The following TAAR1 variants were observed in gnomAD, a reference collection of about 807,000 sequenced individuals.
TAAR1 encodes trace amine associated receptor 1.
In TAAR1, 1 loss-of-function variant was observed where a neutral mutation model predicts 1.2. The observed-to-expected ratio is 0.81, with a 90% CI of 0.29 to 3.86. The LOEUF (loss-of-function observed/expected upper bound fraction) is 3.86. Ranked by LOEUF, TAAR1 falls within the 30% of genes most tolerant of loss-of-function variation. The probability of loss-of-function intolerance (pLI) is 0.18; values close to 1 mark genes in which losing one functional copy is unlikely to be tolerated. For missense variants in TAAR1, 445 were observed against 405.6 expected (o/e 1.10, Z -0.83); for synonymous variants, 153 against 132.2 (o/e 1.16, Z -1.08).
chr6:132,645,122 G>A lies in TAAR1; in HGVS notation c.882C>T (p.Tyr294=). Residue 294 remains tyrosine (Y), a synonymous_variant, in exon 2 of 2, where the codon TAC becomes TAT. Transcript: ENST00000275216. The part of the protein sequence containing the change: ...TLNDVLIWFG[Y]LNSTFNPMVY... ...CCATTGGATTAAATGTAGAGTTCAA[G>A]TAGCCAAACCAAATCAATACATCAT... is the stretch of plus-strand genomic sequence containing the variant. The A allele has an allele frequency of 6.2e-7, 1 of 1,613,164 alleles. No individual in the cohort carries two copies. The highest frequency in any genetic ancestry group is 8.5e-7 in the Non-Finnish European group (1 of 1,179,570).
intron 1 of TAAR1, among the ~76,000 whole-genome samples, chr6:132,657,298 T>C (rs1233821096): frequency 1.3e-5 from 2 of 152,032 alleles, no homozygotes; most frequent in Non-Finnish European, 2.9e-5. Context: ...TCACATTGTT[T>C]GAATCAGCTC....
In TAAR1 at chr6:132,645,120, A is replaced by AAGTAGC. The variant is rs1181687118; in HGVS notation, c.878_883dup (p.Tyr294_Leu295insCysTyr). The AAGTAGC allele has an allele frequency of 1.9e-6, 3 of 1,613,170 alleles. No homozygotes were observed. The African/African-American group carries it at 4.0e-5, about 22-fold the overall frequency. On this transcript the variant is annotated inframe_insertion, in exon 2 of 2. Coordinates refer to ENST00000275216, the MANE Select transcript of TAAR1 (RefSeq NM_138327.4). Reference sequence around the variant, plus strand: ...AACCATTGGATTAAATGTAGAGTTCAAGTAGCCAAACCAAATCAATACATC... The same window carrying AAGTAGC: ...AACCATTGGATTAAATGTAGAGTTCAAGTAGCAGTAGCCAAACCAAATCAATACATC...
At chr6:132,657,672 A>G (rs1352857273) in intron 1 of TAAR1, among the ~76,000 whole-genome samples, 2 of 152,052 alleles carry the variant, frequency 1.3e-5, no homozygotes, top group Non-Finnish European at 2.9e-5. Flanking sequence ...GGAATGGAAT[A>G]CTCCAATTCT....
rs1241154316 is a variant in TAAR1, at chr6:132,644,866, C to T, written c.*118G>A. The T allele has an allele frequency of 3.7e-6, 3 of 811,256 alleles. No homozygotes were observed. Among genetic ancestry groups the T allele is most frequent in the African/African-American group, 1.8e-5 (1 of 56,400 alleles). The allele number at this position is 811,256 out of a possible 1,614,324, so 50.3% of individuals were successfully genotyped here. On this transcript the variant is annotated 3_prime_UTR_variant, in exon 2 of 2. Coordinates refer to ENST00000275216, the MANE Select transcript of TAAR1 (RefSeq NM_138327.4). ...ATCATAATTTAACTCACCATACATA[C>T]TTTGACTCAAGTAACTGATTTAAAA...
At chr6:132,657,721 A>G (rs66535863) in intron 1 of TAAR1, among the ~76,000 whole-genome samples, 9,044 of 152,094 alleles carry the variant, frequency 0.059, 310 homozygotes, top group East Asian at 0.11. Flanking sequence ...TTGAAACTCA[A>G]AAAACACACA....
At position 132,651,428 on chromosome 6, in the gene TAAR1, C is replaced by T. The variant is rs147237189; in HGVS notation, c.-126-5299G>A. On this transcript the variant is annotated intron_variant, in intron 1 of 1. Coordinates refer to ENST00000275216, the MANE Select transcript of TAAR1 (RefSeq NM_138327.4). ...ACTTGTCTAAAGCCAAGCCCTTGAC[C>T]TCCCTCCTGTGCCTAGCTTCTCCTT... Among the ~76,000 whole-genome samples the T allele has an allele frequency of 2.2e-3, 328 of 152,248 alleles. 1 individual carries two copies. Among genetic ancestry groups the T allele is most frequent in the Non-Finnish European group, 2.3e-3 (154 of 68,022 alleles).
intron 1 of TAAR1, among the ~76,000 whole-genome samples, chr6:132,655,376 CTTTTTTTTTTTT>C (rs6149815): frequency 1.5e-5 from 2 of 133,372 alleles, no homozygotes; most frequent in South Asian, 2.4e-4. Flanking sequence ...TTCATTCATT[CTTTTTTTTTTTT>C]TTTTTTTTTG....
intron 1 of TAAR1, among the ~76,000 whole-genome samples, chr6:132,654,351 T>C (rs1242098713): frequency 6.6e-6 from 1 of 152,230 alleles, no homozygotes; most frequent in Admixed American, 6.5e-5. Flanking sequence ...TGGTCTCTCG[T>C]GCTCTATGTC....
intron 1 of TAAR1, among the ~76,000 whole-genome samples, chr6:132,649,738 T>A (rs1582752028): frequency 6.6e-6 from 1 of 152,138 alleles, no homozygotes; most frequent in Non-Finnish European, 1.5e-5. Context: ...GAGAACAGCA[T>A]GGAGGTAGCT....
intron 1 of TAAR1, among the ~76,000 whole-genome samples, chr6:132,648,250 T>C (rs1034063821): frequency 6.6e-6 from 1 of 152,172 alleles, no homozygotes; most frequent in Non-Finnish European, 1.5e-5. Flanking sequence ...GTTGACTTAC[T>C]AAAGGAACCA....
Position 132,645,080 on chromosome 6 carries a change from A to G in TAAR1, c.924T>C (p.Tyr308=), listed in dbSNP as rs568714378. Residue 308 remains tyrosine, a synonymous_variant, in exon 2 of 2, where the codon TAT becomes TAC. Coordinates refer to ENST00000275216, the MANE Select transcript of TAAR1 (RefSeq NM_138327.4). ...TCTTCAGTGCTTTTCTAAACCAAGG[A>G]TAGAAAAATGCATAAACCATTGGAT... is the stretch of plus-strand genomic sequence containing the variant. ...TFNPMVYAFF[Y]PWFRKALKMM... The G allele has an allele frequency of 4.3e-6, 7 of 1,611,622 alleles. No individual in the cohort carries two copies. Among genetic ancestry groups the G allele is most frequent in the South Asian group, 3.3e-5 (3 of 90,308 alleles).
At chr6:132,658,107 A>C (rs186417663) in intron 1 of TAAR1, among the ~76,000 whole-genome samples, 1 of 152,274 alleles carries the variant, frequency 6.6e-6, no homozygotes, top group African/African-American at 2.4e-5. Context: ...TAAAATAGAC[A>C]ATAATAATTT....
chr6:132,654,324 A>G (rs1204672124), intron 1 of TAAR1, among the ~76,000 whole-genome samples: 2 of 152,220 alleles, frequency 1.3e-5, no homozygotes, highest in East Asian at 1.9e-4. Flanking sequence ...GGGGAAATAG[A>G]CACTGCTGAA....
At position 132,643,588 on chromosome 6, in the gene TAAR1, C is replaced by T. The variant is rs553162283; in HGVS notation, c.*1396G>A. 1.1e-3 allele frequency among the ~76,000 whole-genome samples: 167 copies of T among 152,066 alleles called. No homozygotes were observed. Among genetic ancestry groups the T allele is most frequent in the African/African-American group, 3.6e-3 (151 of 41,518 alleles). ...GGATTTCACATATCCTCCGGAGATC[C>T]TCAGATTTGTAAACAGAAATTTATA... is the stretch of plus-strand genomic sequence containing the variant. On this transcript the variant is annotated 3_prime_UTR_variant, in exon 2 of 2. Coordinates refer to ENST00000275216, the MANE Select transcript of TAAR1 (RefSeq NM_138327.4).
chr6:132,645,758 C>G lies in TAAR1; in HGVS notation c.246G>C (p.Val82=). ...AATACCAACAGTGCTCAGCAGATCT[C>G]ACCATACTGTAAGGCATGACCAGAC... ...LGCLVMPYSM[V]RSAEHCWYFG... Residue 82 remains valine, a synonymous_variant, in exon 2 of 2, where the codon GTG becomes GTC. Transcript: ENST00000275216. The G allele has an allele frequency of 6.2e-7, 1 of 1,613,756 alleles. No individual in the cohort carries two copies. The highest frequency in any genetic ancestry group is 8.5e-7 in the Non-Finnish European group (1 of 1,179,816).
At position 132,645,304 on chromosome 6, in the gene TAAR1, C is replaced by T. The variant is rs769505376; in HGVS notation, c.700G>A (p.Gly234Arg). ...ISDANQKLQI[G>R]LEMKNGISQS... is the part of the protein sequence containing the mutation. ...GAAATTCCATTTTTCATTTCCAATC[C>T]AATTTGGAGCTTCTGATTGGCATCA... Residue 234 changes from glycine (G) to arginine (R), a missense_variant, in exon 2 of 2, where the codon GGA becomes AGA. Coordinates refer to ENST00000275216, the MANE Select transcript of TAAR1 (RefSeq NM_138327.4). 6.2e-7 allele frequency: 1 copy of T among 1,613,532 alleles called. No homozygotes were observed. The highest frequency in any genetic ancestry group is 8.5e-7 in the Non-Finnish European group (1 of 1,179,762).
In TAAR1 at chr6:132,645,462, C is replaced by A. The variant is rs200695328; in HGVS notation, c.542G>T (p.Gly181Val). The A allele has an allele frequency of 1.9e-4, 305 of 1,613,738 alleles. No individual in the cohort carries two copies. The highest frequency in any genetic ancestry group is 2.4e-4 in the Non-Finnish European group (287 of 1,179,790). The change falls in exon 2 of 2, where the codon GGT becomes GTT. Residue 181 changes from glycine (G) to valine (V), a missense_variant. Gly to Val is a moderately radical substitution (Grantham distance 109, BLOSUM62 -3). Transcript: ENST00000275216. ...TATTTTGCTAAAGAAGACAGAGCAACCTCCTCTGCAGTGAACATGTTTGTA... is the reference window on the plus strand; with the variant it reads ...TATTTTGCTAAAGAAGACAGAGCAAACTCCTCTGCAGTGAACATGTTTGTA... ...IYYKHVHCRG[G>V]CSVFFSKISG... is the part of the protein sequence containing the mutation.
intron 1 of TAAR1, among the ~76,000 whole-genome samples, chr6:132,655,376 C>CTTTTT (rs6149815): frequency 7.5e-6 from 1 of 133,352 alleles, no homozygotes; most frequent in Non-Finnish European, 1.6e-5. Flanking sequence ...TTCATTCATT[C>CTTTTT]TTTTTTTTTT....
At chr6:132,655,376 C>CT (rs6149815) in intron 1 of TAAR1, among the ~76,000 whole-genome samples, 9,297 of 132,564 alleles carry the variant, frequency 0.07, 378 homozygotes, top group East Asian at 0.1. Flanking sequence ...TTCATTCATT[C>CT]TTTTTTTTTT....
Sources: allele counts gnomAD v4.1 joint callset (sites outside exome capture counted in the v4.1 genomes callset), GRCh38; gene constraint gnomAD v4.1.1; transcripts MANE v1.5; gene names NCBI Gene and HGNC (gene_info 2026-07-23, HGNC 2026-07-21).